The following CST9 variants were observed in gnomAD, a reference collection of about 807,000 sequenced individuals.
CST9 encodes cystatin 9.
Under a neutral mutation model 7.7 loss-of-function variants are expected in CST9, and 11 were observed. That is an observed-to-expected ratio of 1.44 (90% CI 0.90 to 2.38). The LOEUF (loss-of-function observed/expected upper bound fraction) is 2.38, where lower values mean the gene tolerates loss of function less well. CST9 is among the 30% of genes most tolerant of loss of function. The pLI is 0.00. For missense variants in CST9, 214 were observed against 199.1 expected (o/e 1.07, Z -0.45); for synonymous variants, 71 against 74.3 (o/e 0.96, Z 0.23).
chr20:23,603,800 G>A, intron 1 of CST9, 66 bp from the exon 2 acceptor site: 3 of 1,514,586 alleles, frequency 2.0e-6, no homozygotes, highest in Non-Finnish European at 2.7e-6. Flanking sequence ...TACTAGTGAA[G>A]ATGCCATTTG....
intron 1 of CST9, among the ~76,000 whole-genome samples, chr20:23,605,349 T>A (rs967517441): frequency 8.5e-5 from 13 of 152,214 alleles, no homozygotes; most frequent in African/African-American, 3.1e-4. Flanking sequence ...GAAGTCCTTA[T>A]TTTGAAGTCA....
intron 1 of CST9, among the ~76,000 whole-genome samples, chr20:23,605,012 C>T (rs576668817): frequency 6.6e-6 from 1 of 152,260 alleles, no homozygotes; most frequent in South Asian, 2.1e-4. Context: ...GGATAAAGGT[C>T]CATTGAGGAA....
chr20:23,603,691 T>A lies in CST9; in HGVS notation c.299A>T (p.Gln100Leu). 1 of 1,614,256 alleles carries A rather than the reference T, an allele frequency of 6.2e-7. No homozygotes were observed. Among genetic ancestry groups the A allele is most frequent in the Non-Finnish European group, 8.5e-7 (1 of 1,180,046 alleles). The change falls in exon 2 of 2, where the codon CAA (glutamine) becomes CTA (leucine). Residue 100 changes from glutamine to leucine, a missense_variant. Coordinates refer to ENST00000376971, the MANE Select transcript of CST9 (RefSeq NM_001008693.3). Reference sequence around the variant, plus strand: ...ATCTTCAAATTTCCTACATACGGTTTGGCGCAGTTGCAGATTCATGGAGAA... The same window carrying A: ...ATCTTCAAATTTCCTACATACGGTTAGGCGCAGTTGCAGATTCATGGAGAA... ...MVFSMNLQLR[Q>L]TVCRKFEDDI...
rs1456854014 is a variant in CST9 at position 23,603,492 on chromosome 20, G to C, written c.*18C>G. On this transcript the variant is annotated 3_prime_UTR_variant, in exon 2 of 2. Transcript: ENST00000376971. Reference sequence around the variant, plus strand: ...ACTAAGGCACAAGCAGGGCAGCCTGGTACAGCCTGCTGTGGGCTCACTTCC... The same window carrying C: ...ACTAAGGCACAAGCAGGGCAGCCTGCTACAGCCTGCTGTGGGCTCACTTCC... 1.9e-6 allele frequency: 3 copies of C among 1,613,030 alleles called. No individual in the cohort carries two copies. The highest frequency in any genetic ancestry group is 1.7e-5 in the Admixed American group (1 of 59,836).
At position 23,603,588 on chromosome 20, in the gene CST9, G is replaced by T. The variant is rs1978678137; in HGVS notation, c.402C>A (p.His134Gln). ...VRQGISFPQV[H>Q]SCGCCMGCGV... The stretch of plus-strand genomic sequence containing the variant: ...CACACCCCATGCAGCATCCACAGCT[G>T]TGGACCTGAGGAAAGCTGATGCCCT... Residue 134 changes from histidine to glutamine, a missense_variant, in exon 2 of 2, where the codon CAC (histidine) becomes CAA (glutamine). Physicochemically the swap from His to Gln is conservative, Grantham distance 24. Transcript: ENST00000376971. 6.2e-7 allele frequency: 1 copy of T among 1,614,092 alleles called. No homozygotes were observed. The highest frequency in any genetic ancestry group is 1.3e-5 in the African/African-American group (1 of 74,928).
chr20:23,603,156 C>A lies in CST9; in HGVS notation c.*354G>T. The A allele has an allele frequency of 9.2e-7, 1 of 1,085,960 alleles. No homozygotes were observed. Among genetic ancestry groups the A allele is most frequent in the Non-Finnish European group, 1.1e-6 (1 of 894,460 alleles). 67.3% of individuals were successfully genotyped at this position (1,085,960 alleles called of 1,614,324 possible). ...TTTGCTTGGAGCTCGTCCCCTAGAGCAGGTGCTGCAGCTCAGCAGGGCCTA... is the reference window on the plus strand; with the variant it reads ...TTTGCTTGGAGCTCGTCCCCTAGAGAAGGTGCTGCAGCTCAGCAGGGCCTA... On this transcript the variant is annotated 3_prime_UTR_variant, in exon 2 of 2. Coordinates refer to ENST00000376971, the MANE Select transcript of CST9 (RefSeq NM_001008693.3).
At chr20:23,604,641 C>T (rs1978711943) in intron 1 of CST9, among the ~76,000 whole-genome samples, 1 of 152,204 alleles carries the variant, frequency 6.6e-6, no homozygotes, top group Non-Finnish European at 1.5e-5. Flanking sequence ...AGATGCCCCT[C>T]TGAGGGTTGC....
Position 23,603,232 on chromosome 20 carries a change from G to A in CST9, c.*278C>T. Reference sequence around the variant, plus strand: ...TCAGCCTCCACCACTTTTGGGTCTAGGGCAGGGTAGGGAAACCCTGAGAAA... The same window carrying A: ...TCAGCCTCCACCACTTTTGGGTCTAAGGCAGGGTAGGGAAACCCTGAGAAA... On this transcript the variant is annotated 3_prime_UTR_variant, in exon 2 of 2. Transcript: ENST00000376971. The A allele has an allele frequency of 7.7e-6, 10 of 1,298,632 alleles. No individual in the cohort carries two copies. The highest frequency in any genetic ancestry group is 9.8e-6 in the Non-Finnish European group (10 of 1,017,624). The allele number at this position is 1,298,632 out of a possible 1,614,324, so 80.4% of individuals were successfully genotyped here. A position where few individuals can be genotyped will look rare whatever the true frequency, so the allele number is the denominator to read the frequency against.
At position 23,603,575 on chromosome 20, in the gene CST9, A is replaced by T; in HGVS notation, c.415T>A (p.Cys139Ser). The change falls in exon 2 of 2, where the codon TGC (cysteine) becomes AGC (serine). Residue 139 changes from cysteine to serine, a missense_variant. By Grantham distance (112) the Cys-to-Ser change is moderately radical. Coordinates refer to ENST00000376971, the MANE Select transcript of CST9 (RefSeq NM_001008693.3). ...SFPQVHSCGC[C>S]MGCGVGTGAA... Reference sequence around the variant, plus strand: ...CCTGTGCCCACACCACACCCCATGCAGCATCCACAGCTGTGGACCTGAGGA... The same window carrying T: ...CCTGTGCCCACACCACACCCCATGCTGCATCCACAGCTGTGGACCTGAGGA... 6.2e-7 allele frequency: 1 copy of T among 1,614,178 alleles called. No individual in the cohort carries two copies. Among genetic ancestry groups the T allele is most frequent in the East Asian group, 2.2e-5 (1 of 44,874 alleles).
In CST9 at chr20:23,603,614, G is replaced by A; in HGVS notation, c.376C>T (p.Gln126Ter). The A allele has an allele frequency of 6.2e-7, 1 of 1,614,188 alleles. No homozygotes were observed. The highest frequency in any genetic ancestry group is 1.6e-4 in the Middle Eastern group (1 of 6,062). Residue 126 changes from glutamine to a stop codon, truncating the protein, a stop_gained, in exon 2 of 2, where the codon CAG becomes TAG. Transcript: ENST00000376971. LOFTEE classifies it low-confidence loss of function (END_TRUNC). ...TGGACCTGAGGAAAGCTGATGCCCT[G>A]TCTTACGTTGTTCAGCTCCAGGCTT... ...QESLELNNVR[Q>*]GISFPQVHSC... is the part of the protein sequence containing the mutation.
At chr20:23,604,261 A>G (rs1978702120) in intron 1 of CST9, among the ~76,000 whole-genome samples, 1 of 152,148 alleles carries the variant, frequency 6.6e-6, no homozygotes, top group Non-Finnish European at 1.5e-5. Context: ...GGTTCAAGAA[A>G]TACCATCTGC....
At position 23,603,357 on chromosome 20, in the gene CST9, T is replaced by C; in HGVS notation, c.*153A>G. 1.4e-6 allele frequency: 2 copies of C among 1,444,596 alleles called. No individual in the cohort carries two copies. The highest frequency in any genetic ancestry group is 1.8e-6 in the Non-Finnish European group (2 of 1,104,122). 89.5% of individuals were successfully genotyped at this position (1,444,596 alleles called of 1,614,324 possible). A position where few individuals can be genotyped will look rare whatever the true frequency, so the allele number is the denominator to read the frequency against. ...CAGAGAGAAGGTTCTGAAGGCCATG[T>C]GGCCCAGGTGCAGGCAGCTGCAATG... On this transcript the variant is annotated 3_prime_UTR_variant, in exon 2 of 2. Transcript: ENST00000376971.
chr20:23,603,483 G>A lies in CST9; in HGVS notation c.*27C>T, dbSNP rs562843756. ...GGGCTTCCCACTAAGGCACAAGCAG[G>A]GCAGCCTGGTACAGCCTGCTGTGGG... is the stretch of plus-strand genomic sequence containing the variant. On this transcript the variant is annotated 3_prime_UTR_variant, in exon 2 of 2. Coordinates refer to ENST00000376971, the MANE Select transcript of CST9 (RefSeq NM_001008693.3). The A allele has an allele frequency of 6.2e-7, 1 of 1,611,494 alleles. No individual in the cohort carries two copies. Among genetic ancestry groups the A allele is most frequent in the African/African-American group, 1.3e-5 (1 of 74,892 alleles).
chr20:23,603,144 C>T lies in CST9; in HGVS notation c.*366G>A, dbSNP rs577694986. 2.1e-5 allele frequency: 22 copies of T among 1,054,744 alleles called. No homozygotes were observed. Among genetic ancestry groups the T allele is most frequent in the South Asian group, 2.0e-4 (5 of 25,276 alleles). The allele number at this position is 1,054,744 out of a possible 1,614,324, so 65.3% of individuals were successfully genotyped here. ...CCAGAGCCAGGCTTTGCTTGGAGCT[C>T]GTCCCCTAGAGCAGGTGCTGCAGCT... On this transcript the variant is annotated 3_prime_UTR_variant, in exon 2 of 2. Coordinates refer to ENST00000376971, the MANE Select transcript of CST9 (RefSeq NM_001008693.3).
intron 1 of CST9, among the ~76,000 whole-genome samples, 174 bp from the exon 2 acceptor site, chr20:23,603,908 T>G (rs1978691000): frequency 6.6e-6 from 1 of 152,120 alleles, no homozygotes; most frequent in Non-Finnish European, 1.5e-5. Context: ...TTCTCTAGAC[T>G]GAGGAGTTAA....
chr20:23,604,016 C>T (rs554498388), intron 1 of CST9, among the ~76,000 whole-genome samples: 15 of 152,322 alleles, frequency 9.8e-5, no homozygotes, highest in East Asian at 3.9e-4. Context: ...CCATTTCCCA[C>T]GGTGAGACTC....
At chr20:23,605,262 C>T (rs1047247516) in intron 1 of CST9, among the ~76,000 whole-genome samples, 1 of 151,790 alleles carries the variant, frequency 6.6e-6, no homozygotes, top group Non-Finnish European at 1.5e-5. Context: ...CCTTGCTTTT[C>T]CATTTTCATT....
Position 23,603,788 on chromosome 20 carries a change from G to C in CST9, c.256-54C>G. On this transcript the variant is annotated intron_variant, in intron 1 of 1. Coordinates refer to ENST00000376971, the MANE Select transcript of CST9 (RefSeq NM_001008693.3). ...TGCACCGTCTTCCTGCCCCTAAGTA[G>C]CTACTAGTGAAGATGCCATTTGAGT... The C allele has an allele frequency of 9.6e-6, 15 of 1,567,820 alleles. No homozygotes were observed. The South Asian group carries it at 1.4e-4, about 14-fold the overall frequency.
chr20:23,602,847 C>T lies in CST9; in HGVS notation c.*663G>A, dbSNP rs193141632. 1 of 985,668 alleles carries T rather than the reference C, an allele frequency of 1.0e-6. No homozygotes were observed. Among genetic ancestry groups the T allele is most frequent in the Non-Finnish European group, 1.2e-6 (1 of 830,262 alleles). 61.1% of individuals were successfully genotyped at this position (985,668 alleles called of 1,614,324 possible). On this transcript the variant is annotated 3_prime_UTR_variant, in exon 2 of 2. Coordinates refer to ENST00000376971, the MANE Select transcript of CST9 (RefSeq NM_001008693.3). Reference sequence around the variant, plus strand: ...GGGCCAGCAATTGTGCCACGTGGCTCTGGCCTTCAGGTCTAGCCTGAGCCT... The same window carrying T: ...GGGCCAGCAATTGTGCCACGTGGCTTTGGCCTTCAGGTCTAGCCTGAGCCT...
Sources: allele counts gnomAD v4.1 joint callset (sites outside exome capture counted in the v4.1 genomes callset), GRCh38; gene constraint gnomAD v4.1.1; transcripts MANE v1.5; gene names NCBI Gene and HGNC (gene_info 2026-07-23, HGNC 2026-07-21).